Variants in TCF20 observed in about 807,000 individuals in gnomAD.
TCF20 encodes the protein SPRE-binding protein.
Under a neutral mutation model 148.6 loss-of-function variants are expected in TCF20, and 3 were observed. The ratio of observed to expected loss-of-function variants is 0.02; its 90% CI spans 0.01 to 0.05. The LOEUF (loss-of-function observed/expected upper bound fraction) is 0.05. Ranked by LOEUF, TCF20 falls within the 10% of genes least tolerant of loss-of-function variation. The pLI, the probability that TCF20 is intolerant of heterozygous loss-of-function variation, is 1.00. For missense variants in TCF20, 2,350 were observed against 2,429.3 expected (o/e 0.97, Z 0.69); for synonymous variants, 1,049 against 909.5 (o/e 1.15, Z -2.76).
rs764032514 is a variant in TCF20, at chr22:42,211,054, T to A, written c.4252A>T (p.Ser1418Cys). The change falls in exon 2 of 6, where the codon AGT (serine) becomes TGT (cysteine). Residue 1418 changes from serine to cysteine, a missense_variant. Ser to Cys is a moderately radical substitution (Grantham distance 112). Around this residue, in one of 7 missense-constraint regions of TCF20, gnomAD observed 231 missense variants for 213.7 expected, o/e 1.08. Coordinates refer to ENST00000677622, the MANE Select transcript of TCF20 (RefSeq NM_001378418.1). ...RKGEVASDLVSPANQELHVEK... is the reference protein window; with the variant it reads ...RKGEVASDLVCPANQELHVEK... Reference sequence around the variant, plus strand: ...ACGTGCAACTCCTGGTTTGCTGGACTGACTAGGTCCGAAGCCACCTCACCT... The same window carrying A: ...ACGTGCAACTCCTGGTTTGCTGGACAGACTAGGTCCGAAGCCACCTCACCT... 3.7e-6 allele frequency: 6 copies of A among 1,614,072 alleles called. No homozygotes were observed. Among genetic ancestry groups the A allele is most frequent in the Non-Finnish European group, 5.1e-6 (6 of 1,180,036 alleles).
intron 2 of TCF20, among the ~76,000 whole-genome samples, chr22:42,195,892 A>G (rs553470081): frequency 1.5e-4 from 23 of 152,262 alleles, no homozygotes; most frequent in African/African-American, 5.3e-4. Context: ...CGTGTCTCTT[A>G]AAGAACCTGT....
At chr22:42,273,227 G>A (rs1926686519), upstream of TCF20, among the ~76,000 whole-genome samples, 2 of 151,870 alleles carry the variant, frequency 1.3e-5, no homozygotes, top group Non-Finnish European at 2.9e-5. Context: ...GGGCGTGGTG[G>A]CGGGCGCCTG....
chr22:42,171,062 T>C (rs1489016007), intron 3 of TCF20, among the ~76,000 whole-genome samples: 1 of 152,152 alleles, frequency 6.6e-6, no homozygotes, highest in Non-Finnish European at 1.5e-5. Flanking sequence ...TCATTCCAAC[T>C]TGTAACATGA....
Position 42,212,700 on chromosome 22 carries a change from T to C in TCF20, c.2606A>G (p.Asp869Gly). ...SLSERRSVICDISPLRQIVRD... is the reference protein window; with the variant it reads ...SLSERRSVICGISPLRQIVRD... The stretch of plus-strand genomic sequence containing the variant: ...GACAATCTGTCTTAGTGGAGAAATA[T>C]CACAGATCACTGATCTTCTTTCAGA... Residue 869 changes from aspartate to glycine, a missense_variant, in exon 2 of 6, where the codon GAT (aspartate) becomes GGT (glycine). Transcript: ENST00000677622. 6.2e-7 allele frequency: 1 copy of C among 1,614,212 alleles called. No individual in the cohort carries two copies. The highest frequency in any genetic ancestry group is 8.5e-7 in the Non-Finnish European group (1 of 1,180,030).
At chr22:42,309,811 G>A (rs1318630769) in intron 1 of TCF20, among the ~76,000 whole-genome samples, 1 of 152,236 alleles carries the variant, frequency 6.6e-6, no homozygotes, top group East Asian at 1.9e-4. Flanking sequence ...CTGCAGAATA[G>A]GGGTGACACC....
At chr22:42,308,047 C>A (rs763985493) in intron 1 of TCF20, among the ~76,000 whole-genome samples, 4 of 152,226 alleles carry the variant, frequency 2.6e-5, no homozygotes, top group Non-Finnish European at 5.9e-5. Flanking sequence ...GGTTTTTACG[C>A]TATGCATTCC....
chr22:42,181,695 C>T (rs1316520703), intron 2 of TCF20, among the ~76,000 whole-genome samples: 2 of 151,544 alleles, frequency 1.3e-5, no homozygotes, highest in African/African-American at 4.9e-5. Flanking sequence ...GCAGTCTCTA[C>T]CTCCCAGGCT....
intron 5 of TCF20, among the ~76,000 whole-genome samples, chr22:42,165,838 G>C (rs1475839254): frequency 1.3e-5 from 2 of 152,212 alleles, no homozygotes; most frequent in East Asian, 1.9e-4. Flanking sequence ...AGAAGAAACC[G>C]AAGTACAGAG....
Position 42,218,889 on chromosome 22 carries a change from T to C in TCF20, c.-36-3548A>G, listed in dbSNP as rs1922066433. Among the ~76,000 whole-genome samples the C allele has an allele frequency of 6.8e-5, 10 of 146,166 alleles. No homozygotes were observed. The South Asian group carries it at 1.5e-3, about 22-fold the overall frequency. On this transcript the variant is annotated intron_variant, in intron 1 of 5. Transcript: ENST00000677622. ...TTTCCCTATTGTTATGGTTCTACTT[T>C]ATGAAAAAGAAAAAAAAAAAATCCA...
chr22:42,251,344 C>T (rs542996114), intron 1 of TCF20, among the ~76,000 whole-genome samples: 25 of 151,918 alleles, frequency 1.6e-4, no homozygotes, highest in Non-Finnish European at 3.2e-4. Context: ...CGCTAGCTTG[C>T]TAATTTTTGT....
intron 3 of TCF20, among the ~76,000 whole-genome samples, chr22:42,174,229 A>C (rs1276010352): frequency 1.3e-5 from 2 of 152,206 alleles, no homozygotes; most frequent in African/African-American, 4.8e-5. Flanking sequence ...ATTAAAAAAA[A>C]AAATTCATTT....
intron 1 of TCF20, among the ~76,000 whole-genome samples, chr22:42,226,630 A>C (rs1244749865): frequency 1.3e-5 from 2 of 152,170 alleles, no homozygotes; most frequent in Admixed American, 1.3e-4. Flanking sequence ...GCTTGAACAC[A>C]GGAGGTGGAG....
chr22:42,291,943 AG>A (rs1160303512), intron 1 of TCF20, among the ~76,000 whole-genome samples: 1 of 152,022 alleles, frequency 6.6e-6, no homozygotes, highest in African/African-American at 2.4e-5. Flanking sequence ...CACAGATGTG[AG>A]GGAGGAAGGT....
At chr22:42,198,860 T>C (rs948000600) in intron 2 of TCF20, among the ~76,000 whole-genome samples, 15 of 152,274 alleles carry the variant, frequency 9.9e-5, no homozygotes, top group East Asian at 5.8e-4. Context: ...AGACAGGGTT[T>C]CACTGTGTTG....
rs1920945244 is a variant in TCF20, at chr22:42,210,983, C to T, written c.4323G>A (p.Val1441=). 1 of 1,614,138 alleles carries T rather than the reference C, an allele frequency of 6.2e-7. No individual in the cohort carries two copies. Among genetic ancestry groups the T allele is most frequent in the Non-Finnish European group, 8.5e-7 (1 of 1,180,020 alleles). ...PRSSEEWRGS[V]DDKVKTETHA... ...GTGTCTCTGTCTTCACTTTGTCATC[C>T]ACGCTGCCACGCCACTCTTCTGAAG... The change falls in exon 2 of 6, where the codon GTG becomes GTA. Residue 1441 remains valine (V), a synonymous_variant. Transcript: ENST00000677622. This position sits in a 1 kb window ranked among gnomAD's most constrained non-coding sequence, Gnocchi z 4.7.
chr22:42,317,555 A>G lies in TCF20; in HGVS notation c.-37+25924T>C, dbSNP rs1227175275. 2.0e-5 allele frequency among the ~76,000 whole-genome samples: 3 copies of G among 151,916 alleles called. No individual in the cohort carries two copies. Among genetic ancestry groups the G allele is most frequent in the Non-Finnish European group, 4.4e-5 (3 of 67,956 alleles). ...GGGCAAAGAAAAATACCCCCATCTCACCAAGGTGGAAACTGAGGCTCGGAG... is the reference window on the plus strand; with the variant it reads ...GGGCAAAGAAAAATACCCCCATCTCGCCAAGGTGGAAACTGAGGCTCGGAG... On this transcript the variant is annotated intron_variant, in intron 1 of 1. Coordinates refer to the TCF20 transcript ENST00000515426. The surrounding 1 kb of genome is among the most constrained non-coding windows in gnomAD (Gnocchi z 4.2).
chr22:42,212,374 A>C lies in TCF20; in HGVS notation c.2932T>G (p.Tyr978Asp). ...GAATHDSLSD[Y>D]GPQDSRPTPM... ...GTGGGTCTGCTGTCTTGCGGGCCAT[A>C]GTCTGAAAGGGAATCATGGGTTGCT... The change falls in exon 2 of 6, where the codon TAT (tyrosine) becomes GAT (aspartate). Residue 978 changes from tyrosine (Y) to aspartate (D), a missense_variant. Around this residue, in one of 7 missense-constraint regions of TCF20, gnomAD observed 1,641 missense variants for 1,662.6 expected, o/e 0.99. Transcript: ENST00000677622. 1.2e-6 allele frequency: 2 copies of C among 1,614,206 alleles called. No homozygotes were observed. The highest frequency in any genetic ancestry group is 1.7e-6 in the Non-Finnish European group (2 of 1,180,038).
At chr22:42,198,665 G>GTTTT (rs56309420) in intron 2 of TCF20, among the ~76,000 whole-genome samples, 9 of 140,578 alleles carry the variant, frequency 6.4e-5, no homozygotes, top group East Asian at 2.0e-4. Context: ...ATTTTTCCAA[G>GTTTT]TTTTTTTTTT....
At chr22:42,226,850 CAAAAGG>C (rs1462715669) in intron 1 of TCF20, among the ~76,000 whole-genome samples, 1 of 151,980 alleles carries the variant, frequency 6.6e-6, no homozygotes, top group African/African-American at 2.4e-5. Flanking sequence ...AAGCTCAAAA[CAAAAGG>C]AAAGAAACAA....
Sources: gnomAD v4.1 joint callset for allele counts (sites outside exome capture counted in the v4.1 genomes callset) on GRCh38, gnomAD v4.1.1 for gene constraint, gnomAD v4.1.1 regional missense constraint, Gnocchi (gnomAD v3.1) non-coding constraint, MANE v1.5 for transcripts, NCBI Gene and HGNC (gene_info 2026-07-23, HGNC 2026-07-21) for gene names.